Variants in SLC24A3 observed in about 807,000 individuals in gnomAD.
SLC24A3 encodes the protein sodium/potassium/calcium exchanger 3.
In SLC24A3, 28 loss-of-function variants were observed where a neutral mutation model predicts 75.8. That is an observed-to-expected ratio of 0.37 (90% confidence interval 0.27 to 0.51). The LOEUF is 0.51. Among genes scored for constraint, SLC24A3 ranks in the 20% least tolerant of loss-of-function variants. The probability of loss-of-function intolerance (pLI) is 0.94; values close to 1 mark genes in which losing one functional copy is unlikely to be tolerated. For synonymous variants in SLC24A3, 372 were observed against 334.1 expected (o/e 1.11, Z -1.24); for missense variants, 663 against 847.8 (o/e 0.78, Z 2.71).
chr20:19,692,630 G>A (rs1351628385), intron 12 of SLC24A3, among the ~76,000 whole-genome samples: 1 of 152,176 alleles, frequency 6.6e-6, no homozygotes, highest in Non-Finnish European at 1.5e-5. Flanking sequence ...GGAAGGTAGA[G>A]GCACTGTGTA....
intron 1 of SLC24A3, among the ~76,000 whole-genome samples, chr20:19,228,933 T>G (rs564527869): frequency 6.6e-6 from 1 of 152,306 alleles, no homozygotes; most frequent in Admixed American, 6.5e-5. Context: ...AATTGATAAT[T>G]TCTATGTTCC....
At chr20:19,359,504 A>T (rs1307162961) in intron 2 of SLC24A3, among the ~76,000 whole-genome samples, 1 of 152,074 alleles carries the variant, frequency 6.6e-6, no homozygotes, top group Non-Finnish European at 1.5e-5. Context: ...TCCCTGTGTG[A>T]TGGGAGGTGG....
chr20:19,566,707 T>A (rs907560475), intron 3 of SLC24A3, among the ~76,000 whole-genome samples: 3 of 152,214 alleles, frequency 2.0e-5, no homozygotes, highest in African/African-American at 7.2e-5. Flanking sequence ...ACCAGGAAGG[T>A]ATCTTCCTCT....
intron 2 of SLC24A3, among the ~76,000 whole-genome samples, chr20:19,456,890 T>C (rs956006954): frequency 4.6e-5 from 7 of 152,200 alleles, no homozygotes; most frequent in African/African-American, 1.7e-4. Context: ...GCAGGTACAG[T>C]GTACAGTGTG....
At chr20:19,636,373 CA>C (rs1423881442) in intron 6 of SLC24A3, among the ~76,000 whole-genome samples, 2 of 152,094 alleles carry the variant, frequency 1.3e-5, no homozygotes, top group Admixed American at 6.5e-5. Flanking sequence ...GGTCCTTGCT[CA>C]TCACTATTAA....
At chr20:19,593,787 C>T (rs377754227) in intron 6 of SLC24A3, among the ~76,000 whole-genome samples, 1 of 152,218 alleles carries the variant, frequency 6.6e-6, no homozygotes, top group African/African-American at 2.4e-5. Context: ...GCTCAGTGCC[C>T]TCTTATCACC....
At chr20:19,343,066 T>G (rs1985306699) in intron 2 of SLC24A3, among the ~76,000 whole-genome samples, 1 of 85,066 alleles carries the variant, frequency 1.2e-5, no homozygotes, top group South Asian at 3.9e-4. Flanking sequence ...CGAGACTCCA[T>G]CTCAAAAAAA....
In SLC24A3 at chr20:19,559,494, T is replaced by C. The variant is rs2030839976; in HGVS notation, c.349-20506T>C. 2.0e-5 allele frequency among the ~76,000 whole-genome samples: 3 copies of C among 152,162 alleles called. No homozygotes were observed. In the South Asian group the frequency reaches 6.2e-4, roughly 32 times the overall value. Reference sequence around the variant, plus strand: ...GTTTGGTTTCGTTTGATGTGGCTCATTTTATCAATCTTTTTTCTTTCCTAG... The same window carrying C: ...GTTTGGTTTCGTTTGATGTGGCTCACTTTATCAATCTTTTTTCTTTCCTAG... On this transcript the variant is annotated intron_variant, in intron 3 of 16. Coordinates refer to ENST00000328041, the MANE Select transcript of SLC24A3 (RefSeq NM_020689.4).
chr20:19,253,572 A>T (rs1186283035), intron 1 of SLC24A3, among the ~76,000 whole-genome samples: 1 of 151,892 alleles, frequency 6.6e-6, no homozygotes, highest in Non-Finnish European at 1.5e-5. Flanking sequence ...GCATCTGTAC[A>T]CCCTCCGTGG....
rs149616561 is a variant in SLC24A3 at position 19,593,497 on chromosome 20, G to A, written c.612+7953G>A. 3.0e-3 allele frequency among the ~76,000 whole-genome samples: 460 copies of A among 152,266 alleles called. 3 individuals are homozygous for A. Among genetic ancestry groups the A allele is most frequent in the African/African-American group, 9.2e-3 (383 of 41,552 alleles). ...CTTACCTTGTGGCAGGCACTGTCTC[G>A]CAGCGTTACATATGTGAACTCATTT... On this transcript the variant is annotated intron_variant, in intron 6 of 16. Transcript: ENST00000328041.
chr20:19,468,415 A>C (rs1302019703), intron 2 of SLC24A3, among the ~76,000 whole-genome samples: 2 of 152,094 alleles, frequency 1.3e-5, no homozygotes, highest in Non-Finnish European at 2.9e-5. Context: ...TACACTTACT[A>C]AAGCAGCAGG....
intron 2 of SLC24A3, among the ~76,000 whole-genome samples, chr20:19,402,684 C>T (rs759851973): frequency 6.6e-6 from 1 of 152,208 alleles, no homozygotes; most frequent in Non-Finnish European, 1.5e-5. Context: ...AAATCTTTCT[C>T]ACTTCTGACT....
intron 7 of SLC24A3, among the ~76,000 whole-genome samples, chr20:19,658,094 A>T (rs2032285122): frequency 6.6e-6 from 1 of 152,114 alleles, no homozygotes; most frequent in Non-Finnish European, 1.5e-5. Flanking sequence ...CCCAGAGGGC[A>T]AGTCAGGATT....
chr20:19,679,893 C>G (rs189010780), intron 9 of SLC24A3, among the ~76,000 whole-genome samples: 1 of 151,990 alleles, frequency 6.6e-6, no homozygotes, highest in East Asian at 1.9e-4. Flanking sequence ...TTTCCTTGCA[C>G]TTTGTTCTTT....
intron 3 of SLC24A3, among the ~76,000 whole-genome samples, chr20:19,553,272 C>A (rs1414287673): frequency 1.3e-5 from 2 of 152,010 alleles, no homozygotes; most frequent in Non-Finnish European, 2.9e-5. Context: ...TGTGTGTGCA[C>A]CTTTGTGTGT....
chr20:19,526,836 T>C (rs895776875), intron 3 of SLC24A3, among the ~76,000 whole-genome samples: 1 of 152,226 alleles, frequency 6.6e-6, no homozygotes, highest in Non-Finnish European at 1.5e-5. Flanking sequence ...ATCTACTTCA[T>C]AGGGCTGTCT....
Position 19,662,070 on chromosome 20 carries a change from C to A in SLC24A3, c.688-3794C>A, listed in dbSNP as rs566516779. On this transcript the variant is annotated intron_variant, in intron 7 of 16. Transcript: ENST00000328041. The stretch of plus-strand genomic sequence containing the variant: ...AGCTCAGCAGCAGAACACGTGGAAA[C>A]CTCAGGGCGAAGCCAAGGGTATCTT... Among the ~76,000 whole-genome samples, 4 of 152,242 alleles carry A rather than the reference C, an allele frequency of 2.6e-5. No homozygotes were observed. In the South Asian group the frequency reaches 6.2e-4, roughly 24 times the overall value.
chr20:19,704,821 A>G (rs2032911189), intron 15 of SLC24A3, among the ~76,000 whole-genome samples: 1 of 152,166 alleles, frequency 6.6e-6, no homozygotes, highest in African/African-American at 2.4e-5. Flanking sequence ...AGTGCAGAGT[A>G]AGGTGGGCAG....
At chr20:19,268,722 T>C (rs543230290) in intron 1 of SLC24A3, among the ~76,000 whole-genome samples, 7 of 152,336 alleles carry the variant, frequency 4.6e-5, no homozygotes, top group African/African-American at 1.7e-4. Context: ...TAAATCCTGG[T>C]TGGGATGCTT....
Sources: allele counts gnomAD v4.1 joint callset (sites outside exome capture counted in the v4.1 genomes callset), GRCh38; gene constraint gnomAD v4.1.1; transcripts MANE v1.5; gene names NCBI Gene and HGNC (gene_info 2026-07-23, HGNC 2026-07-21).